COL27A1: variants seen among roughly 807,000 people sequenced by gnomAD.
COL27A1 encodes the protein collagen alpha-1(XXVII) chain.
In COL27A1, 106 loss-of-function variants were observed where a neutral mutation model predicts 251.3. The ratio of observed to expected loss-of-function variants is 0.42; its 90% confidence interval spans 0.36 to 0.50. COL27A1 has a LOEUF of 0.50. Ranked by LOEUF, COL27A1 falls within the 20% of genes least tolerant of loss-of-function variation. The pLI, the probability that COL27A1 is intolerant of heterozygous loss-of-function variation, is 0.00. For missense variants in COL27A1, 2,325 were observed against 2,522.8 expected, an observed-to-expected ratio of 0.92 and a Z score of 1.68; for synonymous variants, 1,000 against 986.3, an observed-to-expected ratio of 1.01 and a Z score of -0.26.
At chr9:114,254,154 T>C (rs914023784) in intron 27 of COL27A1, among the ~76,000 whole-genome samples, 15 of 152,114 alleles carry the variant, frequency 9.9e-5, no homozygotes, top group African/African-American at 3.6e-4. Flanking sequence ...CAGTAAGTGA[T>C]GTCTGTTCTG....
At chr9:114,180,836 G>T (rs548015025) in intron 4 of COL27A1, among the ~76,000 whole-genome samples, 4 of 152,134 alleles carry the variant, frequency 2.6e-5, no homozygotes, top group South Asian at 4.2e-4. Context: ...GGTTGGGGAC[G>T]GGGGGGCAGG....
At chr9:114,220,597 G>C (rs1831025995) in intron 13 of COL27A1, among the ~76,000 whole-genome samples, 1 of 152,192 alleles carries the variant, frequency 6.6e-6, no homozygotes, top group South Asian at 2.1e-4. Flanking sequence ...CTGCGGACCT[G>C]GGTTTGAATT....
At chr9:114,270,338 G>A (rs1335401112) in intron 35 of COL27A1, among the ~76,000 whole-genome samples, 1 of 152,216 alleles carries the variant, frequency 6.6e-6, no homozygotes, top group Non-Finnish European at 1.5e-5. Flanking sequence ...TCTGGCTGAT[G>A]TCAAAGCCTG....
intron 11 of COL27A1, among the ~76,000 whole-genome samples, chr9:114,210,218 G>T (rs546462789): frequency 6.6e-6 from 1 of 152,342 alleles, no homozygotes; most frequent in South Asian, 2.1e-4. Context: ...ACTCAGCCTT[G>T]CTCATTTGGT....
In COL27A1 at chr9:114,169,086, A is replaced by G. The variant is rs1849119651; in HGVS notation, c.1531A>G (p.Thr511Ala). 3 of 1,613,660 alleles carry G rather than the reference A, an allele frequency of 1.9e-6. No individual in the cohort carries two copies. The highest frequency in any genetic ancestry group is 2.5e-6 in the Non-Finnish European group (3 of 1,179,912). Reference protein sequence around the residue: ...TRPPATMVPPTSGTSTPRTAP... With the variant: ...TRPPATMVPPASGTSTPRTAP... Reference sequence around the variant, plus strand: ...GCCACCAGCCACGATGGTACCTCCAACTTCGGGCACCAGCACTCCCAGAAC... The same window carrying G: ...GCCACCAGCCACGATGGTACCTCCAGCTTCGGGCACCAGCACTCCCAGAAC... The change falls in exon 3 of 61, where the codon ACT (threonine) becomes GCT (alanine). Residue 511 changes from threonine to alanine, a missense_variant. Physicochemically the swap from Thr to Ala is moderately conservative, Grantham distance 58. Around this residue, in one of 4 missense-constraint regions of COL27A1, gnomAD observed 1,183 missense variants for 1,144.1 expected, o/e 1.03. Transcript: ENST00000356083.
At chr9:114,172,837 T>C (rs1233146146) in intron 3 of COL27A1, among the ~76,000 whole-genome samples, 1 of 152,178 alleles carries the variant, frequency 6.6e-6, no homozygotes, top group Non-Finnish European at 1.5e-5. Flanking sequence ...GGCTATCTTA[T>C]CTAGTTTTGC....
chr9:114,235,557 A>G (rs1272798456), intron 16 of COL27A1, 42 bp from the exon 17 acceptor site: 2 of 1,543,576 alleles, frequency 1.3e-6, no homozygotes, highest in African/African-American at 2.7e-5. Context: ...TCCAGAACCC[A>G]CGTGGCCTCC....
intron 12 of COL27A1, among the ~76,000 whole-genome samples, chr9:114,214,813 C>T (rs1830612175): frequency 6.6e-6 from 1 of 152,214 alleles, no homozygotes; most frequent in Non-Finnish European, 1.5e-5. Context: ...GGCGAGGGGT[C>T]CAGGTGGAAA....
chr9:114,202,857 G>T (rs117649612), intron 7 of COL27A1, among the ~76,000 whole-genome samples: 1 of 151,982 alleles, frequency 6.6e-6, no homozygotes, highest in Non-Finnish European at 1.5e-5. Context: ...CCCCAATGCC[G>T]TGTTCTCTGT....
intron 37 of COL27A1, among the ~76,000 whole-genome samples, chr9:114,280,792 A>T (rs1403720998): frequency 6.6e-6 from 1 of 152,164 alleles, no homozygotes; most frequent in African/African-American, 2.4e-5. Context: ...TCTCTTTGGG[A>T]TAGCGTCATC....
chr9:114,297,024 T>A (rs900412953), intron 49 of COL27A1, among the ~76,000 whole-genome samples: 1 of 152,140 alleles, frequency 6.6e-6, no homozygotes, highest in Non-Finnish European at 1.5e-5. Flanking sequence ...TGAAAGAAGA[T>A]AGATCAATGG....
chr9:114,199,022 TGAA>T (rs1829369817), intron 7 of COL27A1, among the ~76,000 whole-genome samples: 1 of 152,220 alleles, frequency 6.6e-6, no homozygotes, highest in Non-Finnish European at 1.5e-5. Flanking sequence ...GAGAAGCATC[TGAA>T]GAAGGTCTTG....
chr9:114,176,746 G>A (rs754022230), intron 3 of COL27A1, among the ~76,000 whole-genome samples: 3 of 152,258 alleles, frequency 2.0e-5, no homozygotes, highest in Admixed American at 6.5e-5. Context: ...GGACTTGCCC[G>A]AGGTCACAAA....
At position 114,264,858 on chromosome 9, in the gene COL27A1, G is replaced by A; in HGVS notation, c.3250-66G>A. 2.6e-6 allele frequency: 4 copies of A among 1,527,876 alleles called. No homozygotes were observed. The South Asian group carries it at 4.8e-5, about 18-fold the overall frequency. The allele number at this position is 1,527,876 out of a possible 1,614,324, so 94.6% of individuals were successfully genotyped here. A position where few individuals can be genotyped will look rare whatever the true frequency, so the allele number is the denominator to read the frequency against. ...TTCCTTTTATCTCCCATGTGGAGGG[G>A]TCCCTTTTTGGGGAACGGTCCTCCC... is the stretch of plus-strand genomic sequence containing the variant. On this transcript the variant is annotated intron_variant, in intron 29 of 60. Coordinates refer to ENST00000356083, the MANE Select transcript of COL27A1 (RefSeq NM_032888.4).
At chr9:114,260,035 A>C (rs1383990456) in intron 28 of COL27A1, among the ~76,000 whole-genome samples, 2 of 151,902 alleles carry the variant, frequency 1.3e-5, no homozygotes, top group Non-Finnish European at 2.9e-5. Context: ...GGCCAAGGGC[A>C]GCCAGGCTCC....
rs774595771 is a variant in COL27A1, at chr9:114,231,101, C to A, written c.2489C>A (p.Pro830Gln). 1.9e-5 allele frequency: 31 copies of A among 1,613,332 alleles called. No individual in the cohort carries two copies. In the East Asian group the frequency reaches 4.0e-4, roughly 21 times the overall value. Residue 830 changes from proline (P) to glutamine (Q), a missense_variant, in exon 15 of 61, where the codon CCG (proline) becomes CAG (glutamine). By Grantham distance (76) the Pro-to-Gln change is moderately conservative (BLOSUM62 -1). Around this residue, in one of 4 missense-constraint regions of COL27A1, gnomAD observed 1,183 missense variants for 1,144.1 expected, o/e 1.03. Coordinates refer to ENST00000356083, the MANE Select transcript of COL27A1 (RefSeq NM_032888.4). ...CAGGGTGACTTAGGAGTGTTGGGTCCGATTGGCTACCCGGGACCCAAGGGC... is the reference window on the plus strand; with the variant it reads ...CAGGGTGACTTAGGAGTGTTGGGTCAGATTGGCTACCCGGGACCCAAGGGC... ...GLIGDLGVLG[P>Q]IGYPGPKGMK...
upstream of COL27A1, among the ~76,000 whole-genome samples, chr9:114,154,563 T>C (rs1057007167): frequency 1.3e-5 from 2 of 152,090 alleles, no homozygotes; most frequent in African/African-American, 4.8e-5. The surrounding 1 kb of genome is among the most constrained non-coding windows in gnomAD (Gnocchi z 5.8). Flanking sequence ...CCGGGGTGTG[T>C]ACATGTGTGG....
intron 34 of COL27A1, chr9:114,268,909 C>A: frequency 4.5e-6 from 1 of 223,850 alleles, no homozygotes; most frequent in South Asian, 1.8e-4. Flanking sequence ...GCACTCCAGT[C>A]TGGGCGACAG....
At chr9:114,227,658 T>C (rs528288307) in intron 14 of COL27A1, among the ~76,000 whole-genome samples, 1 of 151,814 alleles carries the variant, frequency 6.6e-6, no homozygotes, top group Non-Finnish European at 1.5e-5. Flanking sequence ...TGGCACACAG[T>C]GGGCGTTCTT....
Sources: gnomAD v4.1 joint callset for allele counts (sites outside exome capture counted in the v4.1 genomes callset) on GRCh38, gnomAD v4.1.1 for gene constraint, gnomAD v4.1.1 regional missense constraint, Gnocchi (gnomAD v3.1) non-coding constraint, MANE v1.5 for transcripts, NCBI Gene and HGNC (gene_info 2026-07-23, HGNC 2026-07-21) for gene names.